Variants in TMEM232 observed in about 807,000 individuals in gnomAD.
TMEM232 encodes transmembrane protein 232.
TMEM232 carries 80 observed loss-of-function variants against 78.8 expected under a neutral mutation model. The ratio of observed to expected loss-of-function variants is 1.01; its 90% CI spans 0.85 to 1.22. TMEM232 has a LOEUF of 1.22. TMEM232 is among the 50% of genes most tolerant of loss of function. TMEM232 has a pLI of 0.00. For synonymous variants in TMEM232, 297 were observed against 254.3 expected (o/e 1.17, Z -1.60); for missense variants, 881 against 742.2 (o/e 1.19, Z -2.17).
chr5:110,465,354 T>C (rs1467376344), intron 12 of TMEM232, among the ~76,000 whole-genome samples: 1 of 152,188 alleles, frequency 6.6e-6, no homozygotes, highest in Non-Finnish European at 1.5e-5. Context: ...TCATCTCTGA[T>C]TGGTGGTTAA....
intron 10 of TMEM232, among the ~76,000 whole-genome samples, chr5:110,572,659 T>A (rs1164103192): frequency 6.6e-6 from 1 of 152,068 alleles, no homozygotes; most frequent in Non-Finnish European, 1.5e-5. Flanking sequence ...ATTCTGATAG[T>A]TATGTTTTAG....
At chr5:110,636,970 T>C (rs1785927280) in intron 5 of TMEM232, among the ~76,000 whole-genome samples, 1 of 151,662 alleles carries the variant, frequency 6.6e-6, no homozygotes, top group African/African-American at 2.4e-5. Flanking sequence ...CTAGCAGAAA[T>C]ACAAAAGGCA....
chr5:110,621,253 T>C (rs1214108374), intron 7 of TMEM232, among the ~76,000 whole-genome samples: 1 of 152,160 alleles, frequency 6.6e-6, no homozygotes, highest in Admixed American at 6.5e-5. Flanking sequence ...ATGATGACTA[T>C]GTGATTTAAT....
chr5:110,640,430 G>T (rs951030883), intron 4 of TMEM232, among the ~76,000 whole-genome samples: 3 of 151,878 alleles, frequency 2.0e-5, no homozygotes, highest in Non-Finnish European at 4.4e-5. Context: ...ATTAGTTAGA[G>T]GATGTTTTAA....
At chr5:110,565,396 T>C (rs548626247) in intron 11 of TMEM232, among the ~76,000 whole-genome samples, 1 of 152,098 alleles carries the variant, frequency 6.6e-6, no homozygotes, top group African/African-American at 2.4e-5. Context: ...TTAGATACTC[T>C]GTGGTAGAAC....
intron 2 of TMEM232, among the ~76,000 whole-genome samples, chr5:110,657,255 T>G (rs372626521): frequency 2.0e-5 from 3 of 152,160 alleles, no homozygotes. Context: ...TGGATATATA[T>G]CCAAAGAAAA....
At chr5:110,551,101 A>T (rs1473214244) in intron 11 of TMEM232, among the ~76,000 whole-genome samples, 1 of 152,198 alleles carries the variant, frequency 6.6e-6, no homozygotes, top group African/African-American at 2.4e-5. Flanking sequence ...GCCTCTTAAG[A>T]AAAAGCTTGC....
chr5:110,602,360 A>C (rs1421950211), intron 10 of TMEM232, among the ~76,000 whole-genome samples: 2 of 152,172 alleles, frequency 1.3e-5, no homozygotes, highest in Non-Finnish European at 2.9e-5. Context: ...TGAACAGGCA[A>C]CCTACAGAAT....
At chr5:110,675,624 T>C (rs1196390963) in intron 1 of TMEM232, among the ~76,000 whole-genome samples, 2 of 152,182 alleles carry the variant, frequency 1.3e-5, no homozygotes, top group East Asian at 1.9e-4. Context: ...TGGCACCTTT[T>C]CTCCACCCCC....
chr5:110,428,836 AG>A lies in TMEM232; in HGVS notation c.1704-3921del, dbSNP rs34000699. ...CAAAAACTCACTCTCTCTCCAAAGA[AG>A]GTCATATTTATAGGTACAAGGGGTT... On this transcript the variant is annotated intron_variant, in intron 12 of 13. Transcript: ENST00000455884. 2.6e-3 allele frequency among the ~76,000 whole-genome samples: 398 copies of A among 151,948 alleles called. 2 individuals carry two copies. Among genetic ancestry groups the A allele is most frequent in the African/African-American group, 9.2e-3 (383 of 41,504 alleles).
chr5:110,616,123 G>A (rs1015256650), intron 8 of TMEM232, among the ~76,000 whole-genome samples: 4 of 151,746 alleles, frequency 2.6e-5, no homozygotes, highest in African/African-American at 9.7e-5. Flanking sequence ...AAGCAATCCT[G>A]AGCAAAAAGA....
intron 1 of TMEM232, among the ~76,000 whole-genome samples, chr5:110,685,750 G>T (rs1451225739): frequency 6.6e-6 from 1 of 152,104 alleles, no homozygotes. Flanking sequence ...TCAACCATCT[G>T]TCAGTGGGAA....
chr5:110,465,616 A>G (rs972643816), intron 12 of TMEM232, among the ~76,000 whole-genome samples: 2 of 152,220 alleles, frequency 1.3e-5, no homozygotes, highest in African/African-American at 4.8e-5. Context: ...GAAATTTGAC[A>G]ATTCCAAAAA....
intron 12 of TMEM232, among the ~76,000 whole-genome samples, chr5:110,504,336 A>T (rs939023679): frequency 6.6e-6 from 1 of 152,238 alleles, no homozygotes; most frequent in Non-Finnish European, 1.5e-5. Flanking sequence ...AATTTTAAAT[A>T]TCGTGCTTTC....
chr5:110,633,310 A>G (rs75521357), intron 5 of TMEM232, among the ~76,000 whole-genome samples: 8,405 of 152,230 alleles, frequency 0.055, 500 homozygotes, highest in East Asian at 0.26. Flanking sequence ...ACTCATGGGT[A>G]AAGCAAAGAC....
chr5:110,500,161 G>A (rs546232930), intron 12 of TMEM232, among the ~76,000 whole-genome samples: 32 of 151,578 alleles, frequency 2.1e-4, no homozygotes, highest in African/African-American at 7.3e-4. Context: ...GTGTGGTGGC[G>A]GGTGCCTGTA....
At chr5:110,596,267 A>G (rs970539266) in intron 10 of TMEM232, among the ~76,000 whole-genome samples, 7 of 152,240 alleles carry the variant, frequency 4.6e-5, no homozygotes, top group African/African-American at 1.7e-4. Context: ...AATCTAGAAG[A>G]AATGGATAAA....
intron 11 of TMEM232, among the ~76,000 whole-genome samples, chr5:110,562,265 C>T (rs1409251858): frequency 2.6e-5 from 4 of 152,088 alleles, no homozygotes; most frequent in Admixed American, 6.6e-5. Context: ...GTAATGCAAA[C>T]AAACCTTCCA....
At chr5:110,647,576 T>C (rs1021319245) in intron 2 of TMEM232, among the ~76,000 whole-genome samples, 2 of 151,982 alleles carry the variant, frequency 1.3e-5, no homozygotes, top group Non-Finnish European at 1.5e-5. Context: ...AAAATGTAAA[T>C]AAATATCACT....
Sources: gnomAD v4.1 joint callset for allele counts (sites outside exome capture counted in the v4.1 genomes callset) on GRCh38, gnomAD v4.1.1 for gene constraint, MANE v1.5 for transcripts, NCBI Gene and HGNC (gene_info 2026-07-23, HGNC 2026-07-21) for gene names.